ARMH3: variants seen among roughly 807,000 people sequenced by gnomAD.
ARMH3 encodes armadillo-like helical domain-containing protein 3.
ARMH3 carries 60 observed loss-of-function variants against 99.1 expected under a neutral mutation model. The ratio of observed to expected loss-of-function variants is 0.61; its 90% CI spans 0.49 to 0.75. The LOEUF is 0.75. Among genes scored for constraint, ARMH3 ranks in the 30% least tolerant of loss-of-function variants. The pLI is 0.00. For synonymous variants in ARMH3, 285 were observed against 292.8 expected, an observed-to-expected ratio of 0.97 and a Z score of 0.27; for missense variants, 679 against 843.1, an observed-to-expected ratio of 0.81 and a Z score of 2.41.
intron 17 of ARMH3, among the ~76,000 whole-genome samples, chr10:101,992,294 C>A (rs938269697): frequency 1.3e-5 from 2 of 152,038 alleles, no homozygotes; most frequent in Non-Finnish European, 2.9e-5. Flanking sequence ...CTAGAGAATA[C>A]TACAATGGGA....
chr10:102,022,281 T>C (rs2066902151), intron 8 of ARMH3, among the ~76,000 whole-genome samples: 1 of 151,614 alleles, frequency 6.6e-6, no homozygotes, highest in African/African-American at 2.4e-5. Context: ...TTCTCAATCC[T>C]GGGCTAATCA....
In ARMH3 at chr10:101,928,423, T is replaced by C. The variant is rs886132135; in HGVS notation, c.1781+11440A>G. Among the ~76,000 whole-genome samples the C allele has an allele frequency of 7.9e-5, 12 of 152,162 alleles. 1 individual carries two copies. The highest frequency in any genetic ancestry group is 2.4e-4 in the African/African-American group (10 of 41,430). ...TTGACTCCCTTTCTCCTGGGAGCAATATTCTAGAAATAGTTCCTAATTTGA... is the reference window on the plus strand; with the variant it reads ...TTGACTCCCTTTCTCCTGGGAGCAACATTCTAGAAATAGTTCCTAATTTGA... On this transcript the variant is annotated intron_variant, in intron 23 of 25. Coordinates refer to ENST00000370033, the MANE Select transcript of ARMH3 (RefSeq NM_024541.3).
intron 24 of ARMH3, among the ~76,000 whole-genome samples, chr10:101,884,863 G>C (rs1254333873): frequency 1.3e-5 from 2 of 151,948 alleles, no homozygotes; most frequent in Non-Finnish European, 2.9e-5. Flanking sequence ...ACTAACAATA[G>C]AGTAAAAAGA....
chr10:102,011,334 C>T, intron 11 of ARMH3, among the ~76,000 whole-genome samples: 1 of 152,074 alleles, frequency 6.6e-6, no homozygotes, highest in African/African-American at 2.4e-5. Flanking sequence ...CCTACTATAC[C>T]GTGTTCCACA....
At chr10:102,033,216 G>A (rs752531727) in intron 3 of ARMH3, 44 bp from the exon 4 acceptor site, 1 of 1,613,708 alleles carries the variant, frequency 6.2e-7, no homozygotes, top group East Asian at 2.2e-5. Context: ...TTTTAGCTTA[G>A]CGCCTAGAAT....
At chr10:101,890,165 G>C (rs1471463933) in intron 23 of ARMH3, among the ~76,000 whole-genome samples, 1 of 151,746 alleles carries the variant, frequency 6.6e-6, no homozygotes, top group Admixed American at 6.6e-5. Context: ...TTTTAGATCA[G>C]GGTTTTACAT....
chr10:102,023,416 A>AG, intron 8 of ARMH3, 61 bp downstream of exon 8: 2 of 1,448,342 alleles, frequency 1.4e-6, no homozygotes, highest in Non-Finnish European at 1.9e-6. Flanking sequence ...GTCCTTTAGG[A>AG]GGGGCCGCAT....
chr10:102,047,861 T>C (rs915012899), intron 1 of ARMH3, among the ~76,000 whole-genome samples: 1 of 152,206 alleles, frequency 6.6e-6, no homozygotes, highest in African/African-American at 2.4e-5. Context: ...CAGGGGACAT[T>C]TGTCAATGTC....
At chr10:101,950,386 G>A (rs967408136) in intron 22 of ARMH3, among the ~76,000 whole-genome samples, 2 of 152,156 alleles carry the variant, frequency 1.3e-5, no homozygotes, top group Admixed American at 6.5e-5. Context: ...CAAACAGTGT[G>A]GCAGTTCCTC....
chr10:101,993,692 G>C, intron 16 of ARMH3, 89 bp from the exon 17 acceptor site: 1 of 868,726 alleles, frequency 1.2e-6, no homozygotes, highest in Non-Finnish European at 1.8e-6. Flanking sequence ...CTTGGACTTT[G>C]AGAACTACTT....
intron 20 of ARMH3, among the ~76,000 whole-genome samples, chr10:101,959,779 A>G (rs1366190702): frequency 1.3e-5 from 2 of 152,214 alleles, no homozygotes; most frequent in African/African-American, 2.4e-5. Context: ...CAGTACCACA[A>G]TACTCTGAGA....
At chr10:101,908,334 T>C (rs920843175) in intron 23 of ARMH3, among the ~76,000 whole-genome samples, 2 of 152,236 alleles carry the variant, frequency 1.3e-5, no homozygotes, top group African/African-American at 4.8e-5. Context: ...TACATATTAA[T>C]TTAACAATGT....
At chr10:102,025,117 C>T (rs1472717756) in intron 6 of ARMH3, 39 bp downstream of exon 6, 1 of 1,513,470 alleles carries the variant, frequency 6.6e-7, no homozygotes. Context: ...GATTGCCCCT[C>T]CTGTCAATTA....
intron 22 of ARMH3, among the ~76,000 whole-genome samples, chr10:101,950,979 TA>T (rs1310968760): frequency 6.6e-6 from 1 of 152,158 alleles, no homozygotes; most frequent in South Asian, 2.1e-4. Context: ...GCTGTCATAT[TA>T]AAAAAATTTT....
Position 101,847,037 on chromosome 10 carries a change from T to C in ARMH3, c.*491A>G, listed in dbSNP as rs1476273393. On this transcript the variant is annotated 3_prime_UTR_variant, in exon 26 of 26. Transcript: ENST00000370033. Reference sequence around the variant, plus strand: ...CAAAGGTCCCGATGACTGGACAAAGTGCCAGTGCAGGCAGGGGACACAGAT... The same window carrying C: ...CAAAGGTCCCGATGACTGGACAAAGCGCCAGTGCAGGCAGGGGACACAGAT... 3 of 155,284 alleles carry C rather than the reference T, an allele frequency of 1.9e-5. No homozygotes were observed. The highest frequency in any genetic ancestry group is 1.3e-4 in the Admixed American group (2 of 15,674). The allele number at this position is 155,284 out of a possible 1,614,324, so 9.6% of individuals were successfully genotyped here.
At chr10:101,997,619 G>A (rs184923814) in intron 15 of ARMH3, among the ~76,000 whole-genome samples, 3 of 152,084 alleles carry the variant, frequency 2.0e-5, no homozygotes, top group Admixed American at 2.0e-4. Flanking sequence ...CTGGAGAATG[G>A]AGAGGAGAGA....
At position 101,880,657 on chromosome 10, in the gene ARMH3, C is replaced by T. The variant is rs563883063; in HGVS notation, c.1860+8755G>A. ...CCACCACTCACAGCTCCACAACCCC[C>T]GGCCCCCCAGCAATTGTTAAACATT... On this transcript the variant is annotated intron_variant, in intron 24 of 25. Coordinates refer to ENST00000370033, the MANE Select transcript of ARMH3 (RefSeq NM_024541.3). Among the ~76,000 whole-genome samples, 8 of 152,290 alleles carry T rather than the reference C, an allele frequency of 5.3e-5. No homozygotes were observed. In the East Asian group the frequency reaches 7.7e-4, roughly 15 times the overall value.
intron 22 of ARMH3, among the ~76,000 whole-genome samples, chr10:101,955,780 G>A (rs1845005992): frequency 6.6e-6 from 1 of 152,174 alleles, no homozygotes; most frequent in Non-Finnish European, 1.5e-5. Context: ...GGATTCTAAA[G>A]AGATACAAGG....
chr10:102,027,602 T>C (rs2067029225), intron 5 of ARMH3, among the ~76,000 whole-genome samples: 1 of 151,988 alleles, frequency 6.6e-6, no homozygotes, highest in Non-Finnish European at 1.5e-5. Flanking sequence ...CAGCAAGTAC[T>C]TGCAGAGGAT....
Sources: allele counts gnomAD v4.1 joint callset (sites outside exome capture counted in the v4.1 genomes callset), GRCh38; gene constraint gnomAD v4.1.1; transcripts MANE v1.5; gene names NCBI Gene and HGNC (gene_info 2026-07-23, HGNC 2026-07-21).